INO80D: variants seen among roughly 807,000 people sequenced by gnomAD.
INO80D encodes INO80 complex subunit D.
INO80D carries 21 observed loss-of-function variants against 87.6 expected under a neutral mutation model. That is an observed-to-expected ratio of 0.24 (90% CI 0.17 to 0.35). INO80D has a LOEUF of 0.35. Ranked by LOEUF, INO80D falls within the 10% of genes least tolerant of loss-of-function variation. INO80D has a pLI of 1.00. For missense variants in INO80D, 982 were observed against 1,280.7 expected, an observed-to-expected ratio of 0.77 and a Z score of 3.56; for synonymous variants, 440 against 491.0, an observed-to-expected ratio of 0.90 and a Z score of 1.37.
intron 8 of INO80D, among the ~76,000 whole-genome samples, chr2:206,012,382 A>C (rs1398503798): frequency 6.6e-6 from 1 of 152,166 alleles, no homozygotes; most frequent in Non-Finnish European, 1.5e-5. Context: ...CAATTCAAAG[A>C]AAGTAGAACA....
At chr2:206,054,657 G>C (rs548408866) in intron 4 of INO80D, among the ~76,000 whole-genome samples, 2 of 152,092 alleles carry the variant, frequency 1.3e-5, no homozygotes, top group South Asian at 4.2e-4. Context: ...GGGACTTCAG[G>C]TATGCACCAC....
At chr2:206,080,544 G>T (rs1457738652) in intron 1 of INO80D, among the ~76,000 whole-genome samples, 1 of 152,008 alleles carries the variant, frequency 6.6e-6, no homozygotes, top group East Asian at 1.9e-4. Flanking sequence ...TATTCTCTCT[G>T]TACTCAAATA....
rs1374834445 is a variant in INO80D at position 205,994,882 on chromosome 2, A to G, written c.*9486T>C. 2 of 151,720 alleles carry G rather than the reference A, an allele frequency of 1.3e-5. No homozygotes were observed. Among genetic ancestry groups the G allele is most frequent in the African/African-American group, 4.8e-5 (2 of 41,338 alleles). 9.4% of individuals were successfully genotyped at this position (151,720 alleles called of 1,614,324 possible). On this transcript the variant is annotated 3_prime_UTR_variant, in exon 11 of 11. Transcript: ENST00000403263. ...ATGCAACTTGGAACTCGCAAAAAAA[A>G]AAAAAAAAGAAAGAAAGAAAGAAAG...
chr2:206,005,543 C>T lies in INO80D; in HGVS notation c.1919-10G>A, dbSNP rs1285750354. 5.1e-5 allele frequency: 82 copies of T among 1,598,986 alleles called. No individual in the cohort carries two copies. Among genetic ancestry groups the T allele is most frequent in the Non-Finnish European group, 6.8e-5 (80 of 1,173,002 alleles). ...AGGTCTCCATTCTTCCCTGAGTCAA[C>T]AAAAGCCATCGACAATCAGTAGAGC... On this transcript the variant is annotated splice_polypyrimidine_tract_variant and intron_variant, in intron 10 of 10. Coordinates refer to ENST00000403263, the MANE Select transcript of INO80D (RefSeq NM_017759.5).
intron 1 of INO80D, chr2:206,063,544 C>A (rs9678849): frequency 0.69 from 105,796 of 154,244 alleles, 36,809 homozygotes; most frequent in African/African-American, 0.77. Flanking sequence ...AAATACAAAA[C>A]TGAGCCAGGC....
chr2:206,010,508 T>C (rs1055815405), intron 8 of INO80D, among the ~76,000 whole-genome samples: 2 of 152,180 alleles, frequency 1.3e-5, no homozygotes, highest in Non-Finnish European at 2.9e-5. Flanking sequence ...GGCAACATTT[T>C]TTTTCTTTCT....
chr2:206,006,499 A>G (rs1227269816), intron 10 of INO80D, among the ~76,000 whole-genome samples: 1 of 151,774 alleles, frequency 6.6e-6, no homozygotes, highest in African/African-American at 2.4e-5. Flanking sequence ...CCTGACCAAC[A>G]TGGTGAAACC....
At chr2:206,060,483 G>A (rs1328671619) in intron 3 of INO80D, among the ~76,000 whole-genome samples, 1 of 149,436 alleles carries the variant, frequency 6.7e-6, no homozygotes, top group African/African-American at 2.5e-5. Context: ...AGTGAGCCAA[G>A]ATCATGCCAC....
chr2:206,045,234 T>C (rs747621508), intron 5 of INO80D, among the ~76,000 whole-genome samples: 5 of 152,218 alleles, frequency 3.3e-5, no homozygotes, highest in Non-Finnish European at 2.9e-5. Flanking sequence ...TTTGTACTAT[T>C]TGATGATTGT....
In INO80D at chr2:206,005,098, T is replaced by A; in HGVS notation, c.2354A>T (p.His785Leu). 6.2e-7 allele frequency: 1 copy of A among 1,613,894 alleles called. No individual in the cohort carries two copies. The highest frequency in any genetic ancestry group is 1.1e-5 in the South Asian group (1 of 91,088). ...GGCATGGCTGCCGTCATGAAGTCCA[T>A]GAAACTGTCCTGGGAAGGCTCTCTC... The part of the protein sequence containing the change: ...LGERAFPGQF[H>L]GLHDGSHASQ... The change falls in exon 11 of 11, where the codon CAT becomes CTT. Residue 785 changes from histidine to leucine, a missense_variant. Coordinates refer to ENST00000403263, the MANE Select transcript of INO80D (RefSeq NM_017759.5).
chr2:206,022,260 G>A (rs1170293820), intron 6 of INO80D, among the ~76,000 whole-genome samples: 5 of 151,748 alleles, frequency 3.3e-5, no homozygotes, highest in East Asian at 3.9e-4. Flanking sequence ...CCAGCTACTC[G>A]GGAGGCTGAG....
At position 206,056,602 on chromosome 2, in the gene INO80D, A is replaced by G. The variant is rs1689528983; in HGVS notation, c.560T>C (p.Leu187Ser). ...ACTAAAGTGCTCTTGTCGAACTTTTAAAATCTCTGTCTCTCTCTGGCGCTG... is the reference window on the plus strand; with the variant it reads ...ACTAAAGTGCTCTTGTCGAACTTTTGAAATCTCTGTCTCTCTCTGGCGCTG... ...NRQRQRETEI[L>S]KVRQEHFSPP... The change falls in exon 4 of 11, where the codon TTA (leucine) becomes TCA (serine). Residue 187 changes from leucine to serine, a missense_variant. By Grantham distance (145) the Leu-to-Ser change is moderately radical. Coordinates refer to ENST00000403263, the MANE Select transcript of INO80D (RefSeq NM_017759.5). 1 of 1,610,556 alleles carries G rather than the reference A, an allele frequency of 6.2e-7. No homozygotes were observed. The highest frequency in any genetic ancestry group is 8.5e-7 in the Non-Finnish European group (1 of 1,178,274).
rs1412714522 is a variant in INO80D, at chr2:206,027,960, T to C, written c.1298+151A>G. 5 of 461,588 alleles carry C rather than the reference T, an allele frequency of 1.1e-5. 1 individual carries two copies. Among genetic ancestry groups the C allele is most frequent in the South Asian group, 7.8e-5 (1 of 12,774 alleles). 28.6% of individuals were successfully genotyped at this position (461,588 alleles called of 1,614,324 possible). On this transcript the variant is annotated intron_variant, in intron 6 of 10. Transcript: ENST00000403263. ...CATGGCAGTATTATTTTGCCACCTG[T>C]AGCACTTTAATAAAGCAAGAAAACC...
At chr2:206,014,532 T>G (rs1269773932) in intron 8 of INO80D, among the ~76,000 whole-genome samples, 3 of 152,206 alleles carry the variant, frequency 2.0e-5, no homozygotes, top group Non-Finnish European at 4.4e-5. Flanking sequence ...GAGCTCTTTT[T>G]GCCTGCCACC....
intron 9 of INO80D, among the ~76,000 whole-genome samples, 159 bp from the exon 10 acceptor site, chr2:206,007,600 T>C (rs917258642): frequency 1.3e-5 from 2 of 152,100 alleles, no homozygotes; most frequent in Non-Finnish European, 2.9e-5. Context: ...GGTGAGAGGA[T>C]CACTTGAGGG....
intron 1 of INO80D, among the ~76,000 whole-genome samples, chr2:206,080,902 CAAAAAAAAAAA>C (rs60198558): frequency 5.3e-5 from 2 of 38,066 alleles, no homozygotes; most frequent in Non-Finnish European, 8.2e-5. Flanking sequence ...GACTCAGTCT[CAAAAAAAAAAA>C]AAAAAAAAAA....
chr2:206,041,176 A>G (rs1004658401), intron 5 of INO80D, among the ~76,000 whole-genome samples: 3 of 148,312 alleles, frequency 2.0e-5, no homozygotes, highest in African/African-American at 7.4e-5. Flanking sequence ...AATAGGTGAG[A>G]CAAATACAAA....
chr2:206,045,489 T>C (rs969813072), intron 5 of INO80D, among the ~76,000 whole-genome samples: 11 of 152,170 alleles, frequency 7.2e-5, no homozygotes, highest in Non-Finnish European at 1.3e-4. Flanking sequence ...CTTGGTATTG[T>C]CAAACTGTAC....
chr2:206,060,748 C>T (rs1010448686), intron 3 of INO80D, among the ~76,000 whole-genome samples: 6 of 151,876 alleles, frequency 4.0e-5, no homozygotes, highest in Admixed American at 6.6e-5. Flanking sequence ...TTAGTAGAGA[C>T]GGGGTTTCTC....
Sources: allele counts gnomAD v4.1 joint callset (sites outside exome capture counted in the v4.1 genomes callset), GRCh38; gene constraint gnomAD v4.1.1; transcripts MANE v1.5; gene names NCBI Gene and HGNC (gene_info 2026-07-23, HGNC 2026-07-21).